Variants in KIAA0232 observed in about 807,000 individuals in gnomAD.
The protein encoded by KIAA0232 is uncharacterized protein KIAA0232.
KIAA0232 carries 27 observed loss-of-function variants against 122.0 expected under a neutral mutation model. That is an observed-to-expected ratio of 0.22 (90% CI 0.16 to 0.31). KIAA0232 has a LOEUF of 0.31. KIAA0232 is among the 10% of genes least tolerant of loss of function. The pLI, the probability that KIAA0232 is intolerant of heterozygous loss-of-function variation, is 1.00. For synonymous variants in KIAA0232, 613 were observed against 587.6 expected, an observed-to-expected ratio of 1.04 and a Z score of -0.63; for missense variants, 1,551 against 1,634.2, an observed-to-expected ratio of 0.95 and a Z score of 0.88.
chr4:6,867,861 T>A (rs748838621), intron 7 of KIAA0232, among the ~76,000 whole-genome samples: 7 of 152,194 alleles, frequency 4.6e-5, no homozygotes, highest in Non-Finnish European at 8.8e-5. Flanking sequence ...GATCCCAGTG[T>A]GGGGGACAGG....
chr4:6,821,144 A>C (rs971867430), intron 2 of KIAA0232, among the ~76,000 whole-genome samples: 3 of 152,230 alleles, frequency 2.0e-5, no homozygotes, highest in Non-Finnish European at 2.9e-5. Context: ...TGCTGGCGAT[A>C]AATTCCTTCA....
At chr4:6,817,335 G>C (rs944246163) in intron 2 of KIAA0232, among the ~76,000 whole-genome samples, 1 of 152,104 alleles carries the variant, frequency 6.6e-6, no homozygotes, top group African/African-American at 2.4e-5. Flanking sequence ...TTTCACCTCA[G>C]CCTCCCAAGT....
At chr4:6,849,820 G>GA (rs1378900819) in intron 4 of KIAA0232, among the ~76,000 whole-genome samples, 2 of 152,102 alleles carry the variant, frequency 1.3e-5, no homozygotes, top group Admixed American at 6.5e-5. Flanking sequence ...CCTAAGGAAG[G>GA]AACATCTTTG....
intron 1 of KIAA0232, among the ~76,000 whole-genome samples, chr4:6,802,066 C>T (rs887980307): frequency 1.1e-4 from 16 of 152,074 alleles, no homozygotes; most frequent in Admixed American, 5.2e-4. Context: ...TCTGGGAAGG[C>T]GGGTACTTTG....
At chr4:6,817,450 C>G (rs988244377) in intron 2 of KIAA0232, among the ~76,000 whole-genome samples, 1 of 152,068 alleles carries the variant, frequency 6.6e-6, no homozygotes, top group East Asian at 1.9e-4. Context: ...CTCCTGACCT[C>G]GTGATCCGCC....
At chr4:6,872,124 TAGCGTC>T (rs1721526915) in intron 8 of KIAA0232, among the ~76,000 whole-genome samples, 1 of 152,108 alleles carries the variant, frequency 6.6e-6, no homozygotes, top group South Asian at 2.1e-4. Context: ...CTAGGTTAGG[TAGCGTC>T]TGACATGCAG....
chr4:6,860,609 G>A (rs1720801495), intron 6 of KIAA0232, among the ~76,000 whole-genome samples: 1 of 152,076 alleles, frequency 6.6e-6, no homozygotes, highest in Non-Finnish European at 1.5e-5. Flanking sequence ...TGTCCTTTTT[G>A]ACTTCTTAAT....
intron 3 of KIAA0232, among the ~76,000 whole-genome samples, chr4:6,840,387 G>A (rs1029783671): frequency 2.0e-5 from 3 of 152,178 alleles, no homozygotes; most frequent in African/African-American, 4.8e-5. Context: ...CAGACACATT[G>A]TGGTTTTGGT....
intron 1 of KIAA0232, among the ~76,000 whole-genome samples, chr4:6,802,825 A>G (rs1379395030): frequency 1.3e-5 from 2 of 152,020 alleles, no homozygotes; most frequent in Non-Finnish European, 2.9e-5. Context: ...CAAGGAAGGA[A>G]AAAATGACAG....
chr4:6,823,160 TC>T (rs1718502903), intron 2 of KIAA0232, among the ~76,000 whole-genome samples: 1 of 151,876 alleles, frequency 6.6e-6, no homozygotes, highest in Admixed American at 6.6e-5. Context: ...TGCCACATTT[TC>T]TTAATCCAGT....
rs868467580 is a variant in KIAA0232, at chr4:6,863,024, C to T, written c.2642C>T (p.Ser881Leu). 1 of 1,614,172 alleles carries T rather than the reference C, an allele frequency of 6.2e-7. No individual in the cohort carries two copies. ...GAGCCTGATAAGGCTGTGCGGAGGT[C>T]AGAGTACCATCTGTGGGAGGGACAG... ...LQEPDKAVRR[S>L]EYHLWEGQKE... Residue 881 changes from serine to leucine, a missense_variant, in exon 7 of 10, where the codon TCA becomes TTA. By Grantham distance (145) the Ser-to-Leu change is moderately radical. Transcript: ENST00000307659.
In KIAA0232 at chr4:6,863,406, G is replaced by A; in HGVS notation, c.3024G>A (p.Gly1008=). The A allele has an allele frequency of 2.5e-6, 4 of 1,614,102 alleles. No homozygotes were observed. Among genetic ancestry groups the A allele is most frequent in the Non-Finnish European group, 3.4e-6 (4 of 1,180,022 alleles). ...QNDQPKSGEN[G]LNKGFSFIFH... ...ATCAGCCGAAGAGTGGGGAAAATGG[G>A]TTAAATAAGGGATTTTCTTTTATCT... The change falls in exon 7 of 10, where the codon GGG becomes GGA. Residue 1008 remains glycine (G), a synonymous_variant. Coordinates refer to ENST00000307659, the MANE Select transcript of KIAA0232 (RefSeq NM_014743.3).
intron 7 of KIAA0232, 96 bp from the exon 8 acceptor site, chr4:6,871,478 T>C: frequency 1.4e-6 from 1 of 710,178 alleles, no homozygotes; most frequent in East Asian, 2.6e-5. Flanking sequence ...AGTTTAAAAG[T>C]TCTGGGTTTA....
chr4:6,804,954 C>T (rs1717547329), intron 2 of KIAA0232, among the ~76,000 whole-genome samples: 1 of 152,060 alleles, frequency 6.6e-6, no homozygotes, highest in Admixed American at 6.5e-5. Flanking sequence ...TGAATGCTCT[C>T]CTTCTTGGAG....
intron 3 of KIAA0232, among the ~76,000 whole-genome samples, chr4:6,839,337 G>T (rs1719519501): frequency 6.6e-6 from 1 of 152,210 alleles, no homozygotes; most frequent in Admixed American, 6.5e-5. Context: ...CAGAGTGAGA[G>T]TTGGTGCTAA....
intron 3 of KIAA0232, among the ~76,000 whole-genome samples, chr4:6,838,998 G>A (rs550990670): frequency 3.3e-5 from 5 of 152,112 alleles, no homozygotes; most frequent in Admixed American, 6.5e-5. Context: ...GTGTGGTGGC[G>A]CATGCCTGCA....
At chr4:6,877,113 G>T (rs78142245) in intron 9 of KIAA0232, among the ~76,000 whole-genome samples, 239 of 151,920 alleles carry the variant, frequency 1.6e-3, no homozygotes, top group African/African-American at 5.4e-3. Context: ...TACCTAATAA[G>T]TGGGAGACCT....
intron 9 of KIAA0232, among the ~76,000 whole-genome samples, chr4:6,878,264 A>G (rs1337245540): frequency 1.3e-5 from 2 of 152,126 alleles, no homozygotes; most frequent in Non-Finnish European, 2.9e-5. Flanking sequence ...AATCCCAGCT[A>G]CTTGGGAGGC....
intron 2 of KIAA0232, 140 bp from the exon 3 acceptor site, chr4:6,824,045 T>TG (rs1386699343): frequency 1.6e-5 from 6 of 367,388 alleles, no homozygotes; most frequent in Admixed American, 4.1e-5. Context: ...TCAAAGATGA[T>TG]GGGGGGAAAA....
Sources: gnomAD v4.1 joint callset for allele counts (sites outside exome capture counted in the v4.1 genomes callset) on GRCh38, gnomAD v4.1.1 for gene constraint, MANE v1.5 for transcripts, NCBI Gene and HGNC (gene_info 2026-07-23, HGNC 2026-07-21) for gene names.